ADAM10: variants seen among roughly 807,000 people sequenced by gnomAD.
ADAM10 encodes disintegrin and metalloproteinase domain-containing protein 10.
Under a neutral mutation model 90.1 loss-of-function variants are expected in ADAM10, and 17 were observed. The observed-to-expected ratio is 0.19, with a 90% CI of 0.13 to 0.28. The LOEUF (loss-of-function observed/expected upper bound fraction) is 0.28. ADAM10 is among the 10% of genes least tolerant of loss of function. The pLI is 1.00. For synonymous variants in ADAM10, 310 were observed against 298.6 expected (o/e 1.04, Z -0.40); for missense variants, 610 against 914.3 (o/e 0.67, Z 4.29).
chr15:58,691,523 G>A (rs761684315), intron 2 of ADAM10: 29 of 567,606 alleles, frequency 5.1e-5, no homozygotes, highest in Middle Eastern at 2.8e-4. Context: ...ACTGGAAGGT[G>A]TGAGACCACA....
At chr15:58,739,398 T>C (rs947168014) in intron 1 of ADAM10, among the ~76,000 whole-genome samples, 16 of 150,020 alleles carry the variant, frequency 1.1e-4, no homozygotes, top group African/African-American at 3.4e-4. Flanking sequence ...GTGCTTGTAG[T>C]CCCAGCTACT....
intron 5 of ADAM10, among the ~76,000 whole-genome samples, chr15:58,650,026 C>CAAATTCCTAATTTTTG (rs1365158823): frequency 6.6e-6 from 1 of 152,188 alleles, no homozygotes; most frequent in African/African-American, 2.4e-5. Flanking sequence ...CTAAATCCAT[C>CAAATTCCTAATTTTTG]AAATTCCTAA....
intron 1 of ADAM10, among the ~76,000 whole-genome samples, chr15:58,727,809 A>G (rs1283678831): frequency 6.6e-6 from 1 of 152,142 alleles, no homozygotes; most frequent in African/African-American, 2.4e-5. Context: ...AAAAATTATG[A>G]GGGATAAAGA....
intron 1 of ADAM10, among the ~76,000 whole-genome samples, chr15:58,734,186 A>G (rs1351015186): frequency 1.3e-5 from 2 of 152,206 alleles, no homozygotes; most frequent in African/African-American, 2.4e-5. Context: ...GTTTAACTAA[A>G]TTAAACAATA....
chr15:58,591,619 A>T lies in ADAM10; in HGVS notation c.*5928T>A, dbSNP rs1433377683. The T allele has an allele frequency of 6.6e-6, 1 of 152,206 alleles. No homozygotes were observed. The highest frequency in any genetic ancestry group is 1.5e-5 in the Non-Finnish European group (1 of 68,038). 9.4% of individuals were successfully genotyped at this position (152,206 alleles called of 1,614,324 possible). ...TATAAACACAGGTAGAGAAAATAGT[A>T]TAATAAATCCCCAAGTGCCCATCAC... On this transcript the variant is annotated 3_prime_UTR_variant, in exon 16 of 16. Transcript: ENST00000260408.
Position 58,725,046 on chromosome 15 carries a change from G to C in ADAM10, c.56-7319C>G, listed in dbSNP as rs143636017. ...TCTCTACTAAATATAAAAACTAGCT[G>C]GGCACAGTGGCACATGCCTACAGTC... On this transcript the variant is annotated intron_variant, in intron 1 of 15. Transcript: ENST00000260408. Among the ~76,000 whole-genome samples, 439 of 151,818 alleles carry C rather than the reference G, an allele frequency of 2.9e-3. 1 individual carries two copies. The highest frequency in any genetic ancestry group is 9.2e-3 in the African/African-American group (381 of 41,366).
At chr15:58,715,381 C>T (rs1286900109) in intron 2 of ADAM10, among the ~76,000 whole-genome samples, 3 of 150,852 alleles carry the variant, frequency 2.0e-5, no homozygotes, top group Admixed American at 1.3e-4. Flanking sequence ...GATCATTACA[C>T]TCCAGCCCAG....
chr15:58,677,823 C>T (rs868676562), intron 4 of ADAM10, among the ~76,000 whole-genome samples: 1 of 152,078 alleles, frequency 6.6e-6, no homozygotes, highest in African/African-American at 2.4e-5. Context: ...GCCTGCTGCA[C>T]AGACAAATGA....
At chr15:58,628,872 T>A (rs879781716) in intron 9 of ADAM10, among the ~76,000 whole-genome samples, 4 of 152,222 alleles carry the variant, frequency 2.6e-5, no homozygotes, top group Non-Finnish European at 5.9e-5. Flanking sequence ...CATTTTCTAT[T>A]CCCTCTTCTG....
At chr15:58,630,356 A>G (rs1280118003) in intron 9 of ADAM10, among the ~76,000 whole-genome samples, 1 of 152,224 alleles carries the variant, frequency 6.6e-6, no homozygotes, top group Non-Finnish European at 1.5e-5. Flanking sequence ...GGAAAGTTTT[A>G]AAGGTCTGTG....
At chr15:58,625,003 G>A (rs1176114021) in intron 10 of ADAM10, among the ~76,000 whole-genome samples, 2 of 152,060 alleles carry the variant, frequency 1.3e-5, no homozygotes. Context: ...GAATCTTAAT[G>A]TACCTGTACA....
chr15:58,609,654 A>G (rs928313572), intron 14 of ADAM10: 2 of 154,372 alleles, frequency 1.3e-5, no homozygotes, highest in African/African-American at 4.8e-5. Flanking sequence ...CTTCCTATAG[A>G]TATTTTAATG....
At chr15:58,621,097 A>T (rs1895769584) in intron 11 of ADAM10, among the ~76,000 whole-genome samples, 1 of 146,984 alleles carries the variant, frequency 6.8e-6, no homozygotes, top group African/African-American at 2.6e-5. Context: ...CTCTGTCTCT[A>T]AAAAAAAATA....
chr15:58,657,986 T>C (rs1896873609), intron 5 of ADAM10, among the ~76,000 whole-genome samples: 1 of 152,074 alleles, frequency 6.6e-6, no homozygotes, highest in East Asian at 1.9e-4. Flanking sequence ...AGTCTGTGGC[T>C]TGTTTTCCTA....
intron 14 of ADAM10, 191 bp downstream of exon 14, chr15:58,610,106 A>C: frequency 1.6e-6 from 1 of 641,826 alleles, no homozygotes; most frequent in East Asian, 2.8e-5. Flanking sequence ...CAATCTATGA[A>C]TGATACACAT....
At chr15:58,721,931 G>A (rs1021164853) in intron 1 of ADAM10, among the ~76,000 whole-genome samples, 6 of 152,104 alleles carry the variant, frequency 3.9e-5, no homozygotes, top group South Asian at 2.1e-4. Context: ...GGGAGGCTGA[G>A]GCAGGAGAAT....
intron 5 of ADAM10, among the ~76,000 whole-genome samples, chr15:58,655,876 A>G (rs1896817619): frequency 6.8e-6 from 1 of 148,054 alleles, no homozygotes; most frequent in Admixed American, 6.8e-5. Context: ...CCTCCTGAGT[A>G]GCTGGGATTA....
At chr15:58,626,114 G>A (rs1205747847) in intron 10 of ADAM10, among the ~76,000 whole-genome samples, 1 of 151,374 alleles carries the variant, frequency 6.6e-6, no homozygotes, top group Non-Finnish European at 1.5e-5. Flanking sequence ...TAATAAAATT[G>A]TATAGAGCTA....
intron 8 of ADAM10, among the ~76,000 whole-genome samples, chr15:58,634,314 A>G (rs901373001): frequency 1.4e-5 from 2 of 147,732 alleles, no homozygotes; most frequent in South Asian, 4.2e-4. Context: ...AAAAAAAAAA[A>G]GAAGAAGAAT....
Sources: allele counts gnomAD v4.1 joint callset (sites outside exome capture counted in the v4.1 genomes callset), GRCh38; gene constraint gnomAD v4.1.1; transcripts MANE v1.5; gene names NCBI Gene and HGNC (gene_info 2026-07-23, HGNC 2026-07-21).